LY9: variants seen among roughly 807,000 people sequenced by gnomAD.
LY9 encodes the protein T-lymphocyte surface antigen Ly-9.
LY9 carries 59 observed loss-of-function variants against 64.6 expected under a neutral mutation model. The ratio of observed to expected loss-of-function variants is 0.91; its 90% CI spans 0.74 to 1.13. The LOEUF (loss-of-function observed/expected upper bound fraction) is 1.13. Among genes scored for constraint, LY9 ranks in the 50% most tolerant of loss-of-function variants. LY9 has a pLI of 0.00. For missense variants in LY9, 789 were observed against 797.2 expected (o/e 0.99, Z 0.12); for synonymous variants, 281 against 308.5 (o/e 0.91, Z 0.93).
intron 9 of LY9, among the ~76,000 whole-genome samples, chr1:160,825,680 C>T (rs2101842291): frequency 6.6e-6 from 1 of 152,278 alleles, no homozygotes; most frequent in East Asian, 1.9e-4. Flanking sequence ...GAGGCCGAGG[C>T]AGGTGGATCA....
chr1:160,801,956 TC>T (rs766821221), intron 2 of LY9: 3 of 1,607,504 alleles, frequency 1.9e-6, no homozygotes, highest in Admixed American at 3.4e-5. Context: ...CGCTCCGCCA[TC>T]CCCACCTCAC....
chr1:160,800,355 C>A (rs1326989093), intron 2 of LY9: 3 of 350,528 alleles, frequency 8.6e-6, no homozygotes, highest in Non-Finnish European at 1.6e-5. Flanking sequence ...ACTCCCCACA[C>A]TCACCCTTCT....
intron 2 of LY9, among the ~76,000 whole-genome samples, chr1:160,808,263 C>A (rs936489267): frequency 6.6e-6 from 1 of 152,192 alleles, no homozygotes; most frequent in Non-Finnish European, 1.5e-5. Context: ...CTACTTAGCT[C>A]TACCTGCAGA....
chr1:160,816,517 A>AT, intron 4 of LY9, 77 bp from the exon 5 acceptor site: 1 of 1,455,572 alleles, frequency 6.9e-7, no homozygotes, highest in Non-Finnish European at 9.2e-7. Context: ...TCATGAATAT[A>AT]TTTTCAATGA....
At chr1:160,797,110 G>C in intron 1 of LY9, 1 of 985,460 alleles carries the variant, frequency 1.0e-6, no homozygotes, top group Non-Finnish European at 1.2e-6. Flanking sequence ...CCCTATCAAG[G>C]CCCAACTCCT....
chr1:160,820,709 C>G (rs1403083396), intron 7 of LY9, among the ~76,000 whole-genome samples: 1 of 152,192 alleles, frequency 6.6e-6, no homozygotes, highest in African/African-American at 2.4e-5. Flanking sequence ...CACCTCCCTA[C>G]CTCTTCTCTC....
chr1:160,801,753 C>A, intron 2 of LY9: 2 of 1,532,772 alleles, frequency 1.3e-6, no homozygotes, highest in Non-Finnish European at 1.8e-6. Flanking sequence ...AGGGGTTCAA[C>A]TTCATTCTTC....
intron 8 of LY9, 50 bp downstream of exon 8, chr1:160,823,846 C>T (rs758664787): frequency 2.1e-6 from 3 of 1,424,162 alleles, no homozygotes; most frequent in Non-Finnish European, 2.9e-6. Flanking sequence ...TGTCTAGCGG[C>T]ATCTGAGATC....
chr1:160,820,236 TA>T (rs1668307954), intron 7 of LY9, among the ~76,000 whole-genome samples: 1 of 152,120 alleles, frequency 6.6e-6, no homozygotes, highest in Non-Finnish European at 1.5e-5. Context: ...ACCTATTACC[TA>T]AGAGCATCGT....
At chr1:160,825,040 A>C (rs74883465) in intron 9 of LY9, among the ~76,000 whole-genome samples, 1 of 151,634 alleles carries the variant, frequency 6.6e-6, no homozygotes, top group African/African-American at 2.4e-5. Flanking sequence ...CTGTCTTTAT[A>C]AAAAGTTCAA....
At chr1:160,806,413 C>T (rs540260160) in intron 2 of LY9, among the ~76,000 whole-genome samples, 1 of 152,242 alleles carries the variant, frequency 6.6e-6, no homozygotes, top group East Asian at 1.9e-4. Context: ...TTAGGATTCC[C>T]TTGAGCATTT....
At chr1:160,820,571 G>T (rs536314419) in intron 7 of LY9, among the ~76,000 whole-genome samples, 1 of 152,112 alleles carries the variant, frequency 6.6e-6, no homozygotes, top group Non-Finnish European at 1.5e-5. Context: ...GGCAAGGAAG[G>T]GAATTAGGCT....
chr1:160,808,434 A>G (rs1389259929), intron 2 of LY9, among the ~76,000 whole-genome samples: 1 of 152,158 alleles, frequency 6.6e-6, no homozygotes, highest in Admixed American at 6.5e-5. Flanking sequence ...AAGAGTATGG[A>G]ACCCAGCAGG....
At chr1:160,799,180 T>C (rs1320273075) in intron 1 of LY9, 4 of 153,324 alleles carry the variant, frequency 2.6e-5, no homozygotes, top group African/African-American at 9.6e-5. Context: ...TTCCCGACAC[T>C]GCTATGAGAG....
chr1:160,800,092 A>G lies in LY9; in HGVS notation c.454+10A>G. ...ACCCTGTTCGTCTATGGTGAGTTCC[A>G]GAGAGCTTCTGTGTTTTGATCTTTT... On this transcript the variant is annotated intron_variant, in intron 2 of 9. Coordinates refer to ENST00000263285, the MANE Select transcript of LY9 (RefSeq NM_002348.4). The G allele has an allele frequency of 6.3e-7, 1 of 1,591,658 alleles. No individual in the cohort carries two copies. The highest frequency in any genetic ancestry group is 8.6e-7 in the Non-Finnish European group (1 of 1,167,092).
intron 9 of LY9, chr1:160,824,638 T>C: frequency 1.0e-6 from 1 of 983,826 alleles, no homozygotes; most frequent in Non-Finnish European, 1.2e-6. Context: ...ACAAGAATTT[T>C]TGGAAAATAC....
At chr1:160,796,933 T>C (rs1665938123) in intron 1 of LY9, among the ~76,000 whole-genome samples, 1 of 152,172 alleles carries the variant, frequency 6.6e-6, no homozygotes, top group Admixed American at 6.5e-5. Flanking sequence ...CCTAGCAATT[T>C]CCTAGGGATG....
intron 9 of LY9, among the ~76,000 whole-genome samples, chr1:160,826,372 A>T (rs1304505750): frequency 6.6e-6 from 1 of 152,194 alleles, no homozygotes; most frequent in Admixed American, 6.5e-5. Flanking sequence ...GTTTATTGAA[A>T]AAAAATCTGC....
chr1:160,820,217 G>C (rs1005989139), intron 7 of LY9, among the ~76,000 whole-genome samples: 4 of 152,076 alleles, frequency 2.6e-5, no homozygotes, highest in African/African-American at 9.7e-5. Context: ...AACTTCAGGA[G>C]ACTGTACAAC....
Sources: gnomAD v4.1 joint callset for allele counts (sites outside exome capture counted in the v4.1 genomes callset) on GRCh38, gnomAD v4.1.1 for gene constraint, MANE v1.5 for transcripts, NCBI Gene and HGNC (gene_info 2026-07-23, HGNC 2026-07-21) for gene names.